SLC28A1: variants seen among roughly 807,000 people sequenced by gnomAD.
SLC28A1 encodes solute carrier family 28 member 1, also known as sodium/nucleoside cotransporter 1.
In SLC28A1, 64 loss-of-function variants were observed where a neutral mutation model predicts 74.8. The observed-to-expected ratio is 0.86, with a 90% CI of 0.70 to 1.05. SLC28A1 has a LOEUF of 1.05. SLC28A1 is among the 50% of genes least tolerant of loss of function. The probability of loss-of-function intolerance (pLI) is 0.00; values close to 1 mark genes in which losing one functional copy is unlikely to be tolerated. For missense variants in SLC28A1, 828 were observed against 822.8 expected (o/e 1.01, Z -0.08); for synonymous variants, 359 against 335.0 (o/e 1.07, Z -0.78).
intron 8 of SLC28A1, among the ~76,000 whole-genome samples, chr15:84,907,376 G>A (rs1399554394): frequency 1.3e-5 from 2 of 152,272 alleles, no homozygotes; most frequent in African/African-American, 2.4e-5. Context: ...GTAGAGATGG[G>A]GTTTTACCAT....
chr15:84,890,669 G>T lies in SLC28A1; in HGVS notation c.277+135G>T, dbSNP rs1463527993. The T allele has an allele frequency of 1.1e-5, 8 of 752,084 alleles. No individual in the cohort carries two copies. The East Asian group carries it at 1.9e-4, about 18-fold the overall frequency. The allele number at this position is 752,084 out of a possible 1,614,324, so 46.6% of individuals were successfully genotyped here. On this transcript the variant is annotated intron_variant, in intron 5 of 18. Coordinates refer to ENST00000394573, the MANE Select transcript of SLC28A1 (RefSeq NM_004213.5). ...GCACCAACTCAGGTCCAGCTCCCTT[G>T]CTGGGTACTGAGGCATCTGTTAAGC...
chr15:84,916,240 C>CAGGTGTGAGCCACCATGCCTGGCTTT (rs1555449976), intron 9 of SLC28A1, among the ~76,000 whole-genome samples: 5 of 98,422 alleles, frequency 5.1e-5, no homozygotes, highest in Non-Finnish European at 9.7e-5. Context: ...GCTGGGATTA[C>CAGGTGTGAGCCACCATGCCTGGCTTT]TTTTTTTTTT....
intron 9 of SLC28A1, 115 bp from the exon 10 acceptor site, chr15:84,918,409 A>G: frequency 3.8e-6 from 3 of 796,400 alleles, no homozygotes; most frequent in Non-Finnish European, 4.5e-6. Context: ...CCTGTCAGGC[A>G]TCTGAGTGGC....
At chr15:84,949,097 T>C (rs895928486), downstream of SLC28A1, among the ~76,000 whole-genome samples, 1 of 152,242 alleles carries the variant, frequency 6.6e-6, no homozygotes, top group Admixed American at 6.5e-5. Flanking sequence ...TTGAAGATGA[T>C]GCCCATCCAG....
At chr15:84,958,968 T>C in the SLC28A1 span, among the ~76,000 whole-genome samples, 1 of 151,472 alleles carries the variant, frequency 6.6e-6, no homozygotes, top group Non-Finnish European at 1.5e-5. Context: ...GGTTGAGTGG[T>C]GCACACCTGT....
In SLC28A1 at chr15:84,929,854, C is replaced by A. The variant is rs115114946; in HGVS notation, c.1084-3291C>A. Among the ~76,000 whole-genome samples, 417 of 152,240 alleles carry A rather than the reference C, an allele frequency of 2.7e-3. 4 individuals carry two copies. Among genetic ancestry groups the A allele is most frequent in the African/African-American group, 9.8e-3 (407 of 41,534 alleles). On this transcript the variant is annotated intron_variant, in intron 12 of 18. Transcript: ENST00000394573. Reference sequence around the variant, plus strand: ...TCCAGCCTGGGTGACAGAGCGAGACCCTTTGGGTCAGAGAGAGAAGGGTTA... The same window carrying A: ...TCCAGCCTGGGTGACAGAGCGAGACACTTTGGGTCAGAGAGAGAAGGGTTA...
chr15:84,911,127 C>T (rs941440995), intron 9 of SLC28A1, among the ~76,000 whole-genome samples: 3 of 152,250 alleles, frequency 2.0e-5, no homozygotes, highest in Admixed American at 1.3e-4. Flanking sequence ...CGCCAGAGCG[C>T]CTTCCCCCGC....
At chr15:84,899,996 A>ATATATATATAAATAAATATATATATAT (rs1966472976) in intron 6 of SLC28A1, among the ~76,000 whole-genome samples, 1 of 93,940 alleles carries the variant, frequency 1.1e-5, no homozygotes, top group African/African-American at 3.1e-5. Context: ...AGGAAAAGAA[A>ATATATATATAAATAAATATATATATAT]AAGGCAGGCA....
intron 2 of SLC28A1, 107 bp from the exon 3 acceptor site, chr15:84,887,638 A>G (rs1964744603): frequency 1.3e-6 from 2 of 1,548,830 alleles, no homozygotes; most frequent in African/African-American, 1.4e-5. Flanking sequence ...TGGCTGTGCC[A>G]GGCATCTGCT....
In SLC28A1 at chr15:84,944,618, G is replaced by T. The variant is rs148919058; in HGVS notation, c.1716G>T (p.Ala572=). 2 of 1,614,030 alleles carry T rather than the reference G, an allele frequency of 1.2e-6. No homozygotes were observed. Among genetic ancestry groups the T allele is most frequent in the South Asian group, 1.1e-5 (1 of 91,084 alleles). ...ACTTCTCCCAGATAGTGCTCCGGGC[G>T]CTCTTCACGGGAGCCTGTGTGTCCC... ...KSDFSQIVLR[A]LFTGACVSLV... The change falls in exon 17 of 19, where the codon GCG becomes GCT. Residue 572 remains alanine, a synonymous_variant. Coordinates refer to ENST00000394573, the MANE Select transcript of SLC28A1 (RefSeq NM_004213.5).
At chr15:84,908,031 G>A (rs999953253) in intron 8 of SLC28A1, among the ~76,000 whole-genome samples, 1 of 152,172 alleles carries the variant, frequency 6.6e-6, no homozygotes, top group African/African-American at 2.4e-5. Flanking sequence ...AAGGCCACAA[G>A]CCCGGGATGG....
chr15:84,973,235 C>T, the SLC28A1 span, among the ~76,000 whole-genome samples: 1 of 152,170 alleles, frequency 6.6e-6, no homozygotes, highest in Non-Finnish European at 1.5e-5. Context: ...GTTCTTTCCC[C>T]TATTTTTTAA....
chr15:84,895,609 G>C, intron 6 of SLC28A1: 1 of 1,487,890 alleles, frequency 6.7e-7, no homozygotes. Context: ...TCCTTGGAGC[G>C]CTGGAAATCT....
intron 12 of SLC28A1, among the ~76,000 whole-genome samples, chr15:84,929,752 C>A (rs1971062309): frequency 6.6e-6 from 1 of 152,184 alleles, no homozygotes; most frequent in South Asian, 2.1e-4. Flanking sequence ...GTCCCAGGTA[C>A]TGGGGAGGCT....
At chr15:84,894,701 G>C (rs1426749643) in intron 5 of SLC28A1, among the ~76,000 whole-genome samples, 3 of 152,206 alleles carry the variant, frequency 2.0e-5, no homozygotes, top group African/African-American at 7.2e-5. Flanking sequence ...CATTTGGTAA[G>C]CACTTTACAG....
intron 9 of SLC28A1, among the ~76,000 whole-genome samples, chr15:84,916,240 C>CAGGGGTGAGCCACCATGCCTGGCCTTT (rs1555449976): frequency 1.0e-5 from 1 of 98,422 alleles, no homozygotes. Flanking sequence ...GCTGGGATTA[C>CAGGGGTGAGCCACCATGCCTGGCCTTT]TTTTTTTTTT....
the SLC28A1 span, among the ~76,000 whole-genome samples, chr15:84,974,688 G>C: frequency 6.6e-6 from 1 of 152,194 alleles, no homozygotes; most frequent in Non-Finnish European, 1.5e-5. Flanking sequence ...GTCCTCAAGA[G>C]AAAGTCTTGG....
At chr15:84,912,806 GCACACACACACA>G (rs199525878) in intron 9 of SLC28A1, among the ~76,000 whole-genome samples, 17 of 112,196 alleles carry the variant, frequency 1.5e-4, no homozygotes, top group Admixed American at 5.7e-4. Flanking sequence ...TTGCGCGCGC[GCACACACACACA>G]CACACACACA....
intron 2 of SLC28A1, 65 bp from the exon 3 acceptor site, chr15:84,887,680 G>A (rs1353939313): frequency 6.3e-7 from 1 of 1,585,542 alleles, no homozygotes; most frequent in Non-Finnish European, 8.6e-7. Context: ...CTTTCCCCGG[G>A]CCCCTAAACT....
Sources: gnomAD v4.1 joint callset for allele counts (sites outside exome capture counted in the v4.1 genomes callset) on GRCh38, gnomAD v4.1.1 for gene constraint, MANE v1.5 for transcripts, NCBI Gene and HGNC (gene_info 2026-07-23, HGNC 2026-07-21) for gene names.